KIZ: variants seen among roughly 807,000 people sequenced by gnomAD.
KIZ encodes kizuna centrosomal protein.
KIZ carries 68 observed loss-of-function variants against 79.6 expected under a neutral mutation model. The ratio of observed to expected loss-of-function variants is 0.85; its 90% CI spans 0.70 to 1.05. The LOEUF (loss-of-function observed/expected upper bound fraction) is 1.05. Ranked by LOEUF, KIZ falls within the 50% of genes least tolerant of loss-of-function variation. The pLI is 0.00. For synonymous variants in KIZ, 280 were observed against 281.8 expected, an observed-to-expected ratio of 0.99 and a Z score of 0.06; for missense variants, 797 against 800.4, an observed-to-expected ratio of 1.00 and a Z score of 0.05.
intron 6 of KIZ, among the ~76,000 whole-genome samples, chr20:21,183,523 CG>C: frequency 6.6e-6 from 1 of 152,274 alleles, no homozygotes; most frequent in South Asian, 2.1e-4. Context: ...ACGGCTTTCA[CG>C]GATGGCCTTG....
rs1325047356 is a variant in KIZ at position 21,214,608 on chromosome 20, C to G, written c.1520C>G (p.Ser507Cys). The change falls in exon 8 of 13, where the codon TCT becomes TGT. Residue 507 changes from serine (S) to cysteine (C), a missense_variant. Ser to Cys is a moderately radical substitution (Grantham distance 112). Coordinates refer to ENST00000619189, the MANE Select transcript of KIZ (RefSeq NM_018474.6). Reference protein sequence around the residue: ...RRSAIHSSESSCSLPSILNDN... With the variant: ...RRSAIHSSESCCSLPSILNDN... ...TCAGCTATTCACAGTAGTGAATCAT[C>G]TTGCAGCTTGCCATCTATTCTGAAT... The G allele has an allele frequency of 1.2e-6, 2 of 1,612,036 alleles. No individual in the cohort carries two copies. Among genetic ancestry groups the G allele is most frequent in the Admixed American group, 3.3e-5 (2 of 59,790 alleles).
At chr20:21,130,308 C>G (rs1049297783) in intron 1 of KIZ, among the ~76,000 whole-genome samples, 3 of 152,198 alleles carry the variant, frequency 2.0e-5, no homozygotes, top group Non-Finnish European at 2.9e-5. Context: ...TACCAGACTG[C>G]AGTCGTGCTT....
intron 6 of KIZ, among the ~76,000 whole-genome samples, chr20:21,201,065 G>T (rs2035578667): frequency 6.6e-6 from 1 of 152,042 alleles, no homozygotes; most frequent in Admixed American, 6.5e-5. Flanking sequence ...CACCTATAGT[G>T]TCAGTTAGGA....
chr20:21,221,044 G>A (rs976597635), intron 9 of KIZ, among the ~76,000 whole-genome samples: 1 of 152,096 alleles, frequency 6.6e-6, no homozygotes, highest in African/African-American at 2.4e-5. Flanking sequence ...TGGGAGGTCG[G>A]TTTCCCTGAA....
intron 1 of KIZ, among the ~76,000 whole-genome samples, chr20:21,130,540 T>G (rs2031778254): frequency 6.6e-6 from 1 of 152,200 alleles, no homozygotes; most frequent in South Asian, 2.1e-4. Flanking sequence ...TTCCTTCACT[T>G]CTATTCTAAG....
intron 6 of KIZ, among the ~76,000 whole-genome samples, chr20:21,185,672 A>T (rs1319573615): frequency 6.6e-6 from 1 of 150,728 alleles, no homozygotes. Flanking sequence ...TAGCCTCCCA[A>T]AGTGCTGGGA....
chr20:21,185,281 CATTTTGATTTGCTTGTT>C (rs1017406924), intron 6 of KIZ, among the ~76,000 whole-genome samples: 1 of 151,490 alleles, frequency 6.6e-6, no homozygotes, highest in African/African-American at 2.4e-5. Flanking sequence ...AGTGTAAATT[CATTTTGATTTGCTTGTT>C]ATTTTGATGG....
intron 1 of KIZ, 69 bp from the exon 2 acceptor site, chr20:21,132,028 A>T: frequency 1.4e-6 from 1 of 713,850 alleles, no homozygotes; most frequent in Non-Finnish European, 2.4e-6. Flanking sequence ...ATTTCAAAGA[A>T]GAGCATGGTC....
In KIZ at chr20:21,166,529, C is replaced by T. The variant is rs1231701581; in HGVS notation, c.1352+3370C>T. The T allele has an allele frequency of 9.2e-6, 14 of 1,520,320 alleles. No homozygotes were observed. The East Asian group carries it at 1.1e-4, about 12-fold the overall frequency. The allele number at this position is 1,520,320 out of a possible 1,614,324, so 94.2% of individuals were successfully genotyped here. A position where few individuals can be genotyped will look rare whatever the true frequency, so the allele number is the denominator to read the frequency against. On this transcript the variant is annotated intron_variant, in intron 6 of 12. Coordinates refer to ENST00000619189, the MANE Select transcript of KIZ (RefSeq NM_018474.6). The stretch of plus-strand genomic sequence containing the variant: ...GGAGCACGGCCTAATAAGCACCTGG[C>T]GTTTGCCTCTCTTTTCGGCATTGTT...
chr20:21,141,188 A>G (rs2032504449), intron 3 of KIZ, among the ~76,000 whole-genome samples: 2 of 152,058 alleles, frequency 1.3e-5, no homozygotes. Context: ...TCAGGTCCCC[A>G]TTATCCTTGT....
intron 3 of KIZ, among the ~76,000 whole-genome samples, chr20:21,138,649 A>G (rs1600361914): frequency 6.6e-6 from 1 of 152,236 alleles, no homozygotes; most frequent in East Asian, 1.9e-4. Context: ...GGTTAAGATG[A>G]TGATCTCTAG....
At chr20:21,215,134 A>G (rs2036233696) in intron 8 of KIZ, among the ~76,000 whole-genome samples, 1 of 152,246 alleles carries the variant, frequency 6.6e-6, no homozygotes, top group Non-Finnish European at 1.5e-5. Flanking sequence ...ATTAAGAATC[A>G]ATGAATTTAT....
chr20:21,211,232 T>G (rs2036055190), intron 7 of KIZ, among the ~76,000 whole-genome samples: 1 of 152,222 alleles, frequency 6.6e-6, no homozygotes, highest in Non-Finnish European at 1.5e-5. Flanking sequence ...ACTGGGCTAA[T>G]AAAGGAATAG....
chr20:21,228,787 G>A (rs2036736309), intron 9 of KIZ, among the ~76,000 whole-genome samples: 1 of 152,168 alleles, frequency 6.6e-6, no homozygotes, highest in African/African-American at 2.4e-5. Context: ...TAATGACTGT[G>A]ATTTGGCTGC....
chr20:21,170,253 G>A (rs1402489369), intron 6 of KIZ, among the ~76,000 whole-genome samples: 3 of 151,792 alleles, frequency 2.0e-5, no homozygotes, highest in African/African-American at 7.3e-5. Flanking sequence ...ATGGTAAATG[G>A]GATATCCATC....
intron 1 of KIZ, among the ~76,000 whole-genome samples, chr20:21,126,651 T>G (rs1428005614): frequency 1.4e-5 from 2 of 146,876 alleles, no homozygotes; most frequent in Non-Finnish European, 3.0e-5. Flanking sequence ...CAGACGGTTG[T>G]GTGTGTGTGT....
chr20:21,210,343 A>G (rs2036017150), intron 7 of KIZ, among the ~76,000 whole-genome samples: 2 of 145,860 alleles, frequency 1.4e-5, no homozygotes, highest in South Asian at 4.1e-4. Context: ...ATTGAAAAAC[A>G]TAGGTTGCAT....
In KIZ at chr20:21,162,295, C is replaced by G; in HGVS notation, c.830C>G (p.Pro277Arg). 6.2e-7 allele frequency: 1 copy of G among 1,613,698 alleles called. No homozygotes were observed. Among genetic ancestry groups the G allele is most frequent in the Non-Finnish European group, 8.5e-7 (1 of 1,179,648 alleles). The change falls in exon 5 of 13, where the codon CCG (proline) becomes CGG (arginine). Residue 277 changes from proline (P) to arginine (R), a missense_variant. By Grantham distance (103) the Pro-to-Arg change is moderately radical. Coordinates refer to ENST00000619189, the MANE Select transcript of KIZ (RefSeq NM_018474.6). The stretch of plus-strand genomic sequence containing the variant: ...AAAAAGTCTGCTGAACTCAATTCCC[C>G]GTTACGGGAAAGATTAAGTCCAGAG... ...EGKKSAELNS[P>R]LRERLSPENR...
chr20:21,126,182 C>A lies in KIZ; in HGVS notation c.67C>A (p.Leu23Ile). Residue 23 changes from leucine (L) to isoleucine (I), a missense_variant, in exon 1 of 13, where the codon CTC becomes ATC. Leu to Ile is a conservative substitution (Grantham distance 5). Transcript: ENST00000619189. ...CGACTACTACGAGAGGCTGGGCCAA[C>A]TCCAGCACGGGCTGCGGGACAGGTA... ...SPDYYERLGQ[L>I]QHGLRDSEKK... The A allele has an allele frequency of 6.7e-7, 1 of 1,492,976 alleles. No individual in the cohort carries two copies. Among genetic ancestry groups the A allele is most frequent in the South Asian group, 1.3e-5 (1 of 78,972 alleles). The allele number at this position is 1,492,976 out of a possible 1,614,324, so 92.5% of individuals were successfully genotyped here.
Sources: allele counts gnomAD v4.1 joint callset (sites outside exome capture counted in the v4.1 genomes callset), GRCh38; gene constraint gnomAD v4.1.1; transcripts MANE v1.5; gene names NCBI Gene and HGNC (gene_info 2026-07-23, HGNC 2026-07-21).